Variants in CASP6 observed in about 807,000 individuals in gnomAD.
The protein encoded by CASP6 is caspase 6, also known as caspase-6.
Under a neutral mutation model 31.8 loss-of-function variants are expected in CASP6, and 20 were observed. The ratio of observed to expected loss-of-function variants is 0.63; its 90% CI spans 0.44 to 0.91. The LOEUF (loss-of-function observed/expected upper bound fraction) is 0.91. Among genes scored for constraint, CASP6 ranks in the 40% least tolerant of loss-of-function variants. CASP6 has a pLI of 0.00. For synonymous variants in CASP6, 130 were observed against 127.8 expected (o/e 1.02, Z -0.12); for missense variants, 328 against 361.1 (o/e 0.91, Z 0.74).
chr4:109,685,824 C>T (rs1016332278), downstream of CASP6, among the ~76,000 whole-genome samples: 8 of 152,174 alleles, frequency 5.3e-5, no homozygotes, highest in African/African-American at 4.8e-5. Context: ...AACCATGGTA[C>T]GAACACAAGT....
At chr4:109,682,558 T>C in the CASP6 span, 1 of 1,583,248 alleles carries the variant, frequency 6.3e-7, no homozygotes. Context: ...GTGACTGGCT[T>C]GTTTCCCTTG....
At chr4:109,674,705 CATG>C in the CASP6 span, among the ~76,000 whole-genome samples, 1 of 152,194 alleles carries the variant, frequency 6.6e-6, no homozygotes. Context: ...CAATTGTAAA[CATG>C]AGAATAACTT....
At chr4:109,682,776 A>G in the CASP6 span, 4 of 1,538,132 alleles carry the variant, frequency 2.6e-6, no homozygotes, top group Non-Finnish European at 3.6e-6. Context: ...ATATTTGAAA[A>G]TAATACCTAG....
chr4:109,684,070 T>C (rs955704155), downstream of CASP6, among the ~76,000 whole-genome samples: 4 of 151,340 alleles, frequency 2.6e-5, no homozygotes, highest in Non-Finnish European at 5.9e-5. Flanking sequence ...CTTTTCTTTT[T>C]TTTTTTTTTT....
chr4:109,673,805 G>A, the CASP6 span: 13 of 660,304 alleles, frequency 2.0e-5, no homozygotes, highest in African/African-American at 1.8e-4. Flanking sequence ...GCGGGTGAGA[G>A]GTTTTTTCGC....
At chr4:109,703,255 C>T (rs1033996933) in intron 1 of CASP6, 101 bp downstream of exon 1, 3 of 1,354,448 alleles carry the variant, frequency 2.2e-6, no homozygotes, top group East Asian at 2.6e-5. Context: ...GAACCCGCGG[C>T]CCCACTCCGG....
At chr4:109,703,259 A>G (rs1730484772) in intron 1 of CASP6, 97 bp downstream of exon 1, 2 of 1,402,710 alleles carry the variant, frequency 1.4e-6, no homozygotes, top group Non-Finnish European at 2.0e-6. Context: ...CCGCGGCCCC[A>G]CTCCGGTCCG....
upstream of CASP6, among the ~76,000 whole-genome samples, chr4:109,705,989 A>T (rs1561266513): frequency 7.4e-5 from 5 of 67,936 alleles, no homozygotes; most frequent in East Asian, 1.1e-3. Flanking sequence ...AAAAAAAAAA[A>T]AAAAAAAAAA....
the CASP6 span, among the ~76,000 whole-genome samples, chr4:109,667,769 T>A: frequency 4.0e-5 from 6 of 151,534 alleles, no homozygotes; most frequent in African/African-American, 1.5e-4. Flanking sequence ...GTTTATTCTT[T>A]CCTGTTATAT....
the CASP6 span, among the ~76,000 whole-genome samples, chr4:109,666,678 G>A: frequency 1.3e-5 from 2 of 152,066 alleles, no homozygotes; most frequent in Non-Finnish European, 2.9e-5. Context: ...TTGGGATAAC[G>A]GTCTTGTATC....
the CASP6 span, among the ~76,000 whole-genome samples, chr4:109,675,404 C>G: frequency 1.4e-4 from 22 of 152,216 alleles, no homozygotes; most frequent in Admixed American, 3.3e-4. Flanking sequence ...AACACTGCCC[C>G]CCTCACACCA....
the CASP6 span, chr4:109,673,880 A>G: frequency 3.9e-6 from 3 of 772,926 alleles, no homozygotes; most frequent in Non-Finnish European, 4.8e-6. Flanking sequence ...CCTTCATATG[A>G]GGAATATCAG....
chr4:109,678,455 C>T, the CASP6 span, among the ~76,000 whole-genome samples: 619 of 137,602 alleles, frequency 4.5e-3, 1 homozygote, highest in African/African-American at 0.016. Context: ...CGGGCAGAGA[C>T]GCTCCTCACC....
downstream of CASP6, chr4:109,688,362 GAACTT>G (rs766948826): frequency 6.6e-6 from 1 of 152,192 alleles, no homozygotes; most frequent in East Asian, 1.9e-4. Context: ...CTGTTTGTAG[GAACTT>G]AACATGGAAG....
At chr4:109,698,577 A>G (rs1579112168) in intron 1 of CASP6, among the ~76,000 whole-genome samples, 1 of 152,248 alleles carries the variant, frequency 6.6e-6, no homozygotes, top group African/African-American at 2.4e-5. Context: ...ACAATCTTAT[A>G]AACAGAAATG....
In CASP6 at chr4:109,689,339, T is replaced by G. The variant is rs756546677; in HGVS notation, c.873A>C (p.Lys291Asn). ...MLTKKLHFFP[K>N]SN ...AGATAGCCTCTATTAATTAATTAGA[T>G]TTTGGAAAGAAATGCAGCTTTTTAG... Residue 291 changes from lysine (K) to asparagine (N), a missense_variant, in exon 7 of 7, where the codon AAA becomes AAC. Coordinates refer to ENST00000265164, the MANE Select transcript of CASP6 (RefSeq NM_001226.4). 6.2e-7 allele frequency: 1 copy of G among 1,613,694 alleles called. No individual in the cohort carries two copies. The highest frequency in any genetic ancestry group is 8.5e-7 in the Non-Finnish European group (1 of 1,179,772).
At chr4:109,699,498 C>G (rs957842506) in intron 1 of CASP6, among the ~76,000 whole-genome samples, 1 of 152,184 alleles carries the variant, frequency 6.6e-6, no homozygotes, top group African/African-American at 2.4e-5. Context: ...AACTAAGACC[C>G]CACACTAAGG....
At chr4:109,683,932 T>C (rs80252664), downstream of CASP6, among the ~76,000 whole-genome samples, 18 of 152,358 alleles carry the variant, frequency 1.2e-4, no homozygotes, top group East Asian at 3.5e-3. Flanking sequence ...CTTTATAGTT[T>C]TAAAGAGTTT....
chr4:109,684,356 C>A (rs1454389931), downstream of CASP6: 6 of 1,104,940 alleles, frequency 5.4e-6, no homozygotes, highest in Non-Finnish European at 7.7e-6. Flanking sequence ...GCCACCGCGC[C>A]CGGCAAGAGT....
Sources: gnomAD v4.1 joint callset for allele counts (sites outside exome capture counted in the v4.1 genomes callset) on GRCh38, gnomAD v4.1.1 for gene constraint, MANE v1.5 for transcripts, NCBI Gene and HGNC (gene_info 2026-07-23, HGNC 2026-07-21) for gene names.